The following CPLANE1 variants were observed in gnomAD, a reference collection of about 807,000 sequenced individuals.
CPLANE1 encodes the protein ciliogenesis and planar polarity effector complex subunit 1, also known as ciliogenesis and planar polarity effector 1.
CPLANE1 carries 263 observed loss-of-function variants against 362.5 expected under a neutral mutation model. The observed-to-expected ratio is 0.73, with a 90% CI of 0.66 to 0.80. CPLANE1 has a LOEUF of 0.80. CPLANE1 is among the 30% of genes least tolerant of loss of function. The probability of loss-of-function intolerance (pLI) is 0.00; values close to 1 mark genes in which losing one functional copy is unlikely to be tolerated. For synonymous variants in CPLANE1, 1,212 were observed against 1,302.6 expected (o/e 0.93, Z 1.50); for missense variants, 3,461 against 3,793.4 (o/e 0.91, Z 2.30).
intron 46 of CPLANE1, among the ~76,000 whole-genome samples, chr5:37,132,513 T>C (rs1244179283): frequency 1.3e-5 from 2 of 151,842 alleles, no homozygotes; most frequent in Non-Finnish European, 1.5e-5. Flanking sequence ...CCCGGCTAAT[T>C]TTTTTGTATT....
At chr5:37,158,401 C>T in intron 38 of CPLANE1, 56 bp from the exon 39 acceptor site, 1 of 1,518,712 alleles carries the variant, frequency 6.6e-7, no homozygotes, top group Non-Finnish European at 8.9e-7. Flanking sequence ...GTAAACTGCT[C>T]CAAATCATCA....
intron 30 of CPLANE1, among the ~76,000 whole-genome samples, chr5:37,177,144 A>G (rs943511134): frequency 6.6e-6 from 1 of 152,254 alleles, no homozygotes; most frequent in African/African-American, 2.4e-5. Flanking sequence ...ACTGCAACAC[A>G]TGAAAACTGC....
At chr5:37,237,407 G>A (rs1481502648) in intron 8 of CPLANE1, among the ~76,000 whole-genome samples, 2 of 152,180 alleles carry the variant, frequency 1.3e-5, no homozygotes, top group African/African-American at 4.8e-5. Flanking sequence ...GGGTACACAT[G>A]GACATACAGA....
At chr5:37,187,665 T>C (rs1784432026) in intron 22 of CPLANE1, 68 bp downstream of exon 22, 5 of 1,551,982 alleles carry the variant, frequency 3.2e-6, no homozygotes, top group Non-Finnish European at 4.4e-6. Flanking sequence ...AACAATAAAA[T>C]CTTCTTTTAA....
At chr5:37,173,714 A>G in intron 32 of CPLANE1, 41 bp downstream of exon 32, 1 of 1,495,134 alleles carries the variant, frequency 6.7e-7, no homozygotes. Flanking sequence ...CTACATGTAC[A>G]CTATGTGTAG....
intron 16 of CPLANE1, among the ~76,000 whole-genome samples, chr5:37,212,618 AGAAT>A (rs1792945071): frequency 6.6e-6 from 1 of 152,260 alleles, no homozygotes; most frequent in South Asian, 2.1e-4. Context: ...AATAAAAATT[AGAAT>A]GAATGAATAT....
At chr5:37,231,162 G>C in intron 8 of CPLANE1, 113 bp from the exon 9 acceptor site, 1 of 590,348 alleles carries the variant, frequency 1.7e-6, no homozygotes, top group Non-Finnish European at 2.6e-6. Context: ...GAGGGCAAAA[G>C]AATGACTAAT....
chr5:37,138,455 CATTA>C (rs1768516329), intron 46 of CPLANE1: 3 of 559,458 alleles, frequency 5.4e-6, no homozygotes, highest in African/African-American at 1.9e-5. Context: ...ATGAGCTAAT[CATTA>C]ATTACTTCTA....
intron 8 of CPLANE1, among the ~76,000 whole-genome samples, chr5:37,236,672 G>A (rs1283852859): frequency 5.4e-5 from 8 of 147,612 alleles, no homozygotes; most frequent in Admixed American, 4.1e-4. Flanking sequence ...CTATGTGTCT[G>A]ACAAAGGGCT....
At position 37,108,317 on chromosome 5, in the gene CPLANE1, A is replaced by G. The variant is rs1758126207; in HGVS notation, c.9555T>C (p.His3185=). The change falls in exon 52 of 53, where the codon CAT becomes CAC. Residue 3185 remains histidine, a synonymous_variant. Coordinates refer to ENST00000651892, the MANE Select transcript of CPLANE1 (RefSeq NM_001384732.1). ...TIPSEIHKIL[H]ESHNSLLQDL... ...CTTGTAGAAGGGAATTGTGACTCTC[A>G]TGAAGAATCTTATGGATTTCTGAAG... 1 of 1,614,124 alleles carries G rather than the reference A, an allele frequency of 6.2e-7. No individual in the cohort carries two copies. The highest frequency in any genetic ancestry group is 8.5e-7 in the Non-Finnish European group (1 of 1,179,968).
At chr5:37,109,529 A>C (rs1758508427) in intron 51 of CPLANE1, among the ~76,000 whole-genome samples, 3 of 152,158 alleles carry the variant, frequency 2.0e-5, no homozygotes, top group African/African-American at 7.2e-5. Flanking sequence ...CATAAAGCTA[A>C]TTGCCCCTTC....
chr5:37,210,641 G>A (rs1792327480), intron 16 of CPLANE1: 2 of 1,598,080 alleles, frequency 1.3e-6, no homozygotes, highest in Non-Finnish European at 1.7e-6. Flanking sequence ...AAAACCATAT[G>A]CTGAATGAAA....
intron 46 of CPLANE1, among the ~76,000 whole-genome samples, chr5:37,136,987 C>T (rs1357577856): frequency 6.6e-6 from 1 of 152,154 alleles, no homozygotes; most frequent in Non-Finnish European, 1.5e-5. Context: ...AGATATTTTC[C>T]CCATGGTCTT....
At chr5:37,166,986 T>C (rs966829838) in intron 35 of CPLANE1, 61 bp downstream of exon 35, 21 of 1,321,802 alleles carry the variant, frequency 1.6e-5, no homozygotes, top group African/African-American at 2.9e-5. Flanking sequence ...TGTGTGATTA[T>C]AAATAATAAT....
At chr5:37,198,623 T>G (rs922916340) in intron 20 of CPLANE1, 79 bp downstream of exon 20, 2 of 1,374,582 alleles carry the variant, frequency 1.5e-6, no homozygotes, top group African/African-American at 1.5e-5. Flanking sequence ...TGGGAAAATA[T>G]AACAATTATA....
chr5:37,159,094 C>CT (rs34035923), intron 38 of CPLANE1, among the ~76,000 whole-genome samples: 671 of 59,794 alleles, frequency 0.011, 79 homozygotes, highest in Non-Finnish European at 0.015. Context: ...AATTCACATT[C>CT]TTTTTTTTTT....
At chr5:37,118,482 T>C (rs1157382066) in intron 50 of CPLANE1, among the ~76,000 whole-genome samples, 1 of 151,836 alleles carries the variant, frequency 6.6e-6, no homozygotes. Context: ...GAAATTTCAA[T>C]TTTCTAAATT....
Position 37,198,728 on chromosome 5 carries a change from T to G in CPLANE1, c.3646A>C (p.Arg1216=), listed in dbSNP as rs761125837. ...TTCTGCATGACTTTTCTTGCCCACC[T>G]CAACTGCAATATATACCACTGTGCT... ...PVAQWYILQL[R]WARKVMQKIR... The change falls in exon 20 of 53, where the codon AGG becomes CGG. Residue 1216 remains arginine (R), a synonymous_variant. Coordinates refer to ENST00000651892, the MANE Select transcript of CPLANE1 (RefSeq NM_001384732.1). The G allele has an allele frequency of 1.2e-6, 2 of 1,613,828 alleles. No individual in the cohort carries two copies. Among genetic ancestry groups the G allele is most frequent in the Admixed American group, 3.3e-5 (2 of 59,976 alleles).
chr5:37,150,210 T>G (rs1280202106), intron 42 of CPLANE1, among the ~76,000 whole-genome samples: 1 of 152,142 alleles, frequency 6.6e-6, no homozygotes, highest in East Asian at 1.9e-4. Flanking sequence ...AACTCCTGCT[T>G]TGGCTGGCTT....
Sources: allele counts gnomAD v4.1 joint callset (sites outside exome capture counted in the v4.1 genomes callset), GRCh38; gene constraint gnomAD v4.1.1; transcripts MANE v1.5; gene names NCBI Gene and HGNC (gene_info 2026-07-23, HGNC 2026-07-21).